Variants in RSL1D1 observed in about 807,000 individuals in gnomAD.
RSL1D1 encodes the protein ribosomal L1 domain-containing protein 1.
A neutral mutation model predicts 44.6 loss-of-function variants in RSL1D1; 34 were observed. The ratio of observed to expected loss-of-function variants is 0.76; its 90% CI spans 0.58 to 1.02. The LOEUF (loss-of-function observed/expected upper bound fraction) is 1.02, where lower values mean the gene tolerates loss of function less well. RSL1D1 is among the 50% of genes least tolerant of loss of function. The probability of loss-of-function intolerance (pLI) is 0.00; values close to 1 mark genes in which losing one functional copy is unlikely to be tolerated. For synonymous variants in RSL1D1, 271 were observed against 207.4 expected (o/e 1.31, Z -2.63); for missense variants, 767 against 568.1 (o/e 1.35, Z -3.56).
chr16:11,838,425 A>G (rs925310778), intron 8 of RSL1D1, among the ~76,000 whole-genome samples: 2 of 152,004 alleles, frequency 1.3e-5, no homozygotes, highest in Admixed American at 6.6e-5. Context: ...GGCCTCCCAA[A>G]GTGCTAGGAT....
Position 11,851,517 on chromosome 16 carries a change from T to A in RSL1D1, c.-5A>T, listed in dbSNP as rs1204828657. 1 of 1,613,120 alleles carries A rather than the reference T, an allele frequency of 6.2e-7. No individual in the cohort carries two copies. Among genetic ancestry groups the A allele is most frequent in the Non-Finnish European group, 8.5e-7 (1 of 1,179,858 alleles). ...GGCCGAGGCCGAATCCTCCATCTTGTTTCCACCTCGTGAAGAGGCGCGTGT... is the reference window on the plus strand; with the variant it reads ...GGCCGAGGCCGAATCCTCCATCTTGATTCCACCTCGTGAAGAGGCGCGTGT... On this transcript the variant is annotated 5_prime_UTR_variant, in exon 1 of 9. Transcript: ENST00000571133.
chr16:11,838,158 C>A, intron 8 of RSL1D1, 45 bp from the exon 9 acceptor site: 1 of 1,413,120 alleles, frequency 7.1e-7, no homozygotes, highest in South Asian at 1.4e-5. Flanking sequence ...AGCCACAAAA[C>A]CTGACACTCT....
intron 5 of RSL1D1, among the ~76,000 whole-genome samples, chr16:11,843,482 G>A (rs1034046275): frequency 7.2e-5 from 11 of 152,040 alleles, no homozygotes; most frequent in Admixed American, 6.6e-4. Context: ...CGCTGAGTCC[G>A]CCTTCAAGCT....
chr16:11,848,979 T>C (rs1346993568), intron 2 of RSL1D1, among the ~76,000 whole-genome samples: 5 of 152,028 alleles, frequency 3.3e-5, no homozygotes, highest in African/African-American at 7.2e-5. Context: ...GATTTCGCCA[T>C]GTTGGGTCAG....
rs1348103877 is a variant in RSL1D1 at position 11,834,304 on chromosome 16, T to G, written c.*3483A>C. 6.6e-6 allele frequency: 1 copy of G among 152,232 alleles called. No individual in the cohort carries two copies. The highest frequency in any genetic ancestry group is 1.5e-5 in the Non-Finnish European group (1 of 68,036). The allele number at this position is 152,232 out of a possible 1,614,324, so 9.4% of individuals were successfully genotyped here. A position where few individuals can be genotyped will look rare whatever the true frequency, so the allele number is the denominator to read the frequency against. On this transcript the variant is annotated 3_prime_UTR_variant, in exon 9 of 9. Coordinates refer to ENST00000571133, the MANE Select transcript of RSL1D1 (RefSeq NM_015659.3). Reference sequence around the variant, plus strand: ...CACCATTTTTCAGTACAGTACTCATTACATGTGTCAACACTTTATTATAAG... The same window carrying G: ...CACCATTTTTCAGTACAGTACTCATGACATGTGTCAACACTTTATTATAAG...
At chr16:11,841,882 A>G (rs1025045069) in intron 6 of RSL1D1, 25 bp downstream of exon 6, 1 of 1,611,514 alleles carries the variant, frequency 6.2e-7, no homozygotes, top group Non-Finnish European at 8.5e-7. Context: ...ATGAACAATC[A>G]ATTGATGCAC....
At position 11,847,652 on chromosome 16, in the gene RSL1D1, T is replaced by C. The variant is rs372574068; in HGVS notation, c.384+16A>G. ...AATCCTCTAAATAACTTGAAAATAT[T>C]AACCAGGCTTCCTACCTGAGAAACG... On this transcript the variant is annotated intron_variant, in intron 3 of 8. Coordinates refer to ENST00000571133, the MANE Select transcript of RSL1D1 (RefSeq NM_015659.3). 1.7e-5 allele frequency: 27 copies of C among 1,593,122 alleles called. No individual in the cohort carries two copies. In the South Asian group the frequency reaches 2.0e-4, roughly 12 times the overall value.
At chr16:11,847,159 T>C (rs913633534) in intron 3 of RSL1D1, among the ~76,000 whole-genome samples, 10 of 152,166 alleles carry the variant, frequency 6.6e-5, no homozygotes, top group African/African-American at 1.9e-4. Flanking sequence ...GTGGATCACC[T>C]GAGCTCAGGA....
At position 11,851,487 on chromosome 16, in the gene RSL1D1, A is replaced by G. The variant is rs1445366018; in HGVS notation, c.26T>C (p.Leu9Pro). The stretch of plus-strand genomic sequence containing the variant: ...GGTTCCAGTAGCGGCTGCAGAAGAC[A>G]GCGAGGCCGAGGCCGAATCCTCCAT... The part of the protein sequence containing the change: MEDSASAS[L>P]SSAAATGTST... Residue 9 changes from leucine to proline, a missense_variant, in exon 1 of 9, where the codon CTG (leucine) becomes CCG (proline). Transcript: ENST00000571133. 1.2e-6 allele frequency: 2 copies of G among 1,613,974 alleles called. No individual in the cohort carries two copies. Among genetic ancestry groups the G allele is most frequent in the South Asian group, 2.2e-5 (2 of 91,066 alleles).
chr16:11,847,394 C>A (rs987231036), intron 3 of RSL1D1, among the ~76,000 whole-genome samples: 7 of 151,908 alleles, frequency 4.6e-5, no homozygotes, highest in African/African-American at 1.7e-4. Context: ...ACTTAGATAC[C>A]TTAGATCCAG....
chr16:11,846,905 C>G, intron 3 of RSL1D1, 62 bp from the exon 4 acceptor site: 2 of 1,427,890 alleles, frequency 1.4e-6, no homozygotes, highest in South Asian at 2.4e-5. Context: ...AGAAGAAATA[C>G]TTAGGCAACA....
At position 11,846,863 on chromosome 16, in the gene RSL1D1, A is replaced by AT. The variant is rs1163050306; in HGVS notation, c.385-21dup. ...GATAATCTAGGAAGTATAGAGAAGA[A>AT]TAAAAACAAGAAGTTAGGAATCTAA... On this transcript the variant is annotated intron_variant, in intron 3 of 8. Coordinates refer to ENST00000571133, the MANE Select transcript of RSL1D1 (RefSeq NM_015659.3). 6.4e-7 allele frequency: 1 copy of AT among 1,570,586 alleles called. No homozygotes were observed. Among genetic ancestry groups the AT allele is most frequent in the African/African-American group, 1.4e-5 (1 of 73,262 alleles).
chr16:11,846,268 G>A (rs1403179329), intron 5 of RSL1D1, among the ~76,000 whole-genome samples: 2 of 151,028 alleles, frequency 1.3e-5, no homozygotes, highest in African/African-American at 2.4e-5. Context: ...GGTGGCAGGC[G>A]CCTGTAGTCC....
chr16:11,845,697 GACA>G (rs970188311), intron 5 of RSL1D1, among the ~76,000 whole-genome samples: 1 of 151,788 alleles, frequency 6.6e-6, no homozygotes, highest in African/African-American at 2.4e-5. Context: ...AGTGCTATCA[GACA>G]ACATTGTTCT....
chr16:11,840,517 G>C (rs532131091), intron 7 of RSL1D1, among the ~76,000 whole-genome samples: 248 of 152,294 alleles, frequency 1.6e-3, no homozygotes, highest in African/African-American at 5.5e-3. Flanking sequence ...GTAGTGAGCT[G>C]AGATCATGCC....
chr16:11,846,907 T>C (rs1019814), intron 3 of RSL1D1, 64 bp from the exon 4 acceptor site: 739,468 of 1,385,250 alleles, frequency 0.53, 207,855 homozygotes, highest in Non-Finnish European at 0.59. Context: ...AAGAAATACT[T>C]AGGCAACAAT....
chr16:11,844,714 G>A (rs2053786208), intron 5 of RSL1D1, among the ~76,000 whole-genome samples: 1 of 152,206 alleles, frequency 6.6e-6, no homozygotes, highest in African/African-American at 2.4e-5. Context: ...GGGTCTGCAC[G>A]GCTCCTGGGG....
At position 11,851,392 on chromosome 16, in the gene RSL1D1, C is replaced by T. The variant is rs1328948009; in HGVS notation, c.105+16G>A. 6.2e-7 allele frequency: 1 copy of T among 1,612,456 alleles called. No homozygotes were observed. Among genetic ancestry groups the T allele is most frequent in the African/African-American group, 1.3e-5 (1 of 74,926 alleles). On this transcript the variant is annotated intron_variant, in intron 1 of 8. Transcript: ENST00000571133. The stretch of plus-strand genomic sequence containing the variant: ...GCCACACTGCTTCCAAGCCACCCTC[C>T]CCAGGAACCACTCACCTGTTCTTTA...
intron 5 of RSL1D1, among the ~76,000 whole-genome samples, chr16:11,842,529 T>G (rs1429884886): frequency 6.6e-6 from 1 of 151,578 alleles, no homozygotes; most frequent in Non-Finnish European, 1.5e-5. Flanking sequence ...ACCCAGCTGA[T>G]TTTTGTATTT....
Sources: allele counts gnomAD v4.1 joint callset (sites outside exome capture counted in the v4.1 genomes callset), GRCh38; gene constraint gnomAD v4.1.1; transcripts MANE v1.5; gene names NCBI Gene and HGNC (gene_info 2026-07-23, HGNC 2026-07-21).